MIB1: variants seen among roughly 807,000 people sequenced by gnomAD.
The protein encoded by MIB1 is E3 ubiquitin-protein ligase MIB1.
Under a neutral mutation model 124.5 loss-of-function variants are expected in MIB1, and 278 were observed. The ratio of observed to expected loss-of-function variants is 2.23; its 90% confidence interval spans 2.02 to 2.47. The LOEUF (loss-of-function observed/expected upper bound fraction) is 2.47. Ranked by LOEUF, MIB1 falls within the 30% of genes most tolerant of loss-of-function variation. MIB1 has a pLI of 0.00. For missense variants in MIB1, 957 were observed against 1,254.4 expected, an observed-to-expected ratio of 0.76 and a Z score of 3.58; for synonymous variants, 446 against 429.4, an observed-to-expected ratio of 1.04 and a Z score of -0.48.
chr18:21,799,766 T>C (rs910560552), intron 8 of MIB1, 75 bp from the exon 9 acceptor site: 5 of 1,329,118 alleles, frequency 3.8e-6, no homozygotes, highest in East Asian at 2.3e-5. Context: ...TATAGAAATA[T>C]TGGGTAATAC....
chr18:21,774,921 T>TTTTATTTATTTATTTATTTATTTA (rs200926882), intron 4 of MIB1, among the ~76,000 whole-genome samples: 1 of 138,258 alleles, frequency 7.2e-6, no homozygotes, highest in Non-Finnish European at 1.5e-5. Flanking sequence ...TTTATTTCCA[T>TTTTATTTATTTATTTATTTATTTA]TTTATTTATT....
chr18:21,755,960 T>G (rs1215264355), intron 1 of MIB1, among the ~76,000 whole-genome samples: 1 of 152,156 alleles, frequency 6.6e-6, no homozygotes, highest in Non-Finnish European at 1.5e-5. Flanking sequence ...AAATTATTGT[T>G]TAATTTGTGG....
At chr18:21,809,790 A>G (rs1673104073) in intron 10 of MIB1, among the ~76,000 whole-genome samples, 1 of 152,148 alleles carries the variant, frequency 6.6e-6, no homozygotes, top group South Asian at 2.1e-4. Context: ...ACCCACAGTG[A>G]ACATGATATT....
intron 12 of MIB1, among the ~76,000 whole-genome samples, chr18:21,836,318 GGCTGGAGT>G (rs2042031888): frequency 6.7e-6 from 1 of 149,550 alleles, no homozygotes; most frequent in South Asian, 2.1e-4. Flanking sequence ...CAGTCGCCTG[GGCTGGAGT>G]GCAGTGGCTC....
At chr18:21,848,406 C>T (rs1335677495) in intron 16 of MIB1, among the ~76,000 whole-genome samples, 1 of 151,980 alleles carries the variant, frequency 6.6e-6, no homozygotes, top group Non-Finnish European at 1.5e-5. Context: ...GCCGAGATCA[C>T]ACCACTGTAC....
At chr18:21,806,653 C>G (rs1279546639) in intron 10 of MIB1, among the ~76,000 whole-genome samples, 1 of 149,370 alleles carries the variant, frequency 6.7e-6, no homozygotes, top group Non-Finnish European at 1.5e-5. Flanking sequence ...CGGAGTCTTG[C>G]TCTGTCGCCC....
intron 11 of MIB1, among the ~76,000 whole-genome samples, chr18:21,818,811 T>C (rs2041853515): frequency 6.6e-6 from 1 of 152,132 alleles, no homozygotes; most frequent in African/African-American, 2.4e-5. Flanking sequence ...GGTGGGTGCC[T>C]GTAATCCCAG....
At chr18:21,817,661 C>A in intron 11 of MIB1, 1 of 435,108 alleles carries the variant, frequency 2.3e-6, no homozygotes, top group Non-Finnish European at 4.6e-6. Flanking sequence ...TTTTTCTAGG[C>A]TTTGTCCACA....
Position 21,779,659 on chromosome 18 carries a change from T to C in MIB1, c.882T>C (p.Ile294=), listed in dbSNP as rs1268150077. The C allele has an allele frequency of 1.2e-6, 2 of 1,614,074 alleles. No individual in the cohort carries two copies. Among genetic ancestry groups the C allele is most frequent in the Middle Eastern group, 1.6e-4 (1 of 6,062 alleles). Residue 294 remains isoleucine, a synonymous_variant, in exon 6 of 21, where the codon ATT becomes ATC. Transcript: ENST00000261537. The part of the protein sequence containing the change: ...TVCGIDEDHD[I]VVQYPSGNRW... ...GTGGCATTGATGAAGATCATGACAT[T>C]GTAGTACAGTATCCAAGTGGCAATA...
intron 8 of MIB1, among the ~76,000 whole-genome samples, chr18:21,798,985 T>A (rs1402566789): frequency 6.6e-6 from 1 of 152,144 alleles, no homozygotes; most frequent in Non-Finnish European, 1.5e-5. Flanking sequence ...CTGCTGTAAT[T>A]TGCTAGTATG....
At chr18:21,790,476 T>C (rs1230482279) in intron 6 of MIB1, among the ~76,000 whole-genome samples, 1 of 152,164 alleles carries the variant, frequency 6.6e-6, no homozygotes, top group Non-Finnish European at 1.5e-5. Flanking sequence ...CTATTTAAGA[T>C]AGGTCTGTAT....
chr18:21,741,837 G>A lies in MIB1; in HGVS notation c.229+25G>A. On this transcript the variant is annotated intron_variant, in intron 1 of 20. Coordinates refer to ENST00000261537, the MANE Select transcript of MIB1 (RefSeq NM_020774.4). The surrounding 1 kb of genome is among the most constrained non-coding windows in gnomAD (Gnocchi z 5.4). ...GGTAAGCCGCGGCCACCTGGCCAGGGCTTGCGCGCGCGGGGGGAAGGGGCG... is the reference window on the plus strand; with the variant it reads ...GGTAAGCCGCGGCCACCTGGCCAGGACTTGCGCGCGCGGGGGGAAGGGGCG... The A allele has an allele frequency of 6.5e-7, 1 of 1,541,064 alleles. No homozygotes were observed. Among genetic ancestry groups the A allele is most frequent in the South Asian group, 1.2e-5 (1 of 83,474 alleles).
At chr18:21,813,531 C>T (rs894543246) in intron 10 of MIB1, among the ~76,000 whole-genome samples, 1 of 151,992 alleles carries the variant, frequency 6.6e-6, no homozygotes, top group Non-Finnish European at 1.5e-5. Context: ...TGATACGTAA[C>T]AAAAACTGAT....
At position 21,838,499 on chromosome 18, in the gene MIB1, T is replaced by G; in HGVS notation, c.1962+2T>G. 1 of 1,584,504 alleles carries G rather than the reference T, an allele frequency of 6.3e-7. No individual in the cohort carries two copies. Among genetic ancestry groups the G allele is most frequent in the Non-Finnish European group, 8.5e-7 (1 of 1,169,676 alleles). ...GTGGCTGAACTGTTGGTACATCAGG[T>G]AAGAAAAGAGTTAAATAATTCCCTC... On this transcript the variant is annotated splice_donor_variant, in intron 13 of 20. Coordinates refer to ENST00000261537, the MANE Select transcript of MIB1 (RefSeq NM_020774.4). LOFTEE classifies it high-confidence loss of function.
rs573329996 is a variant in MIB1 at position 21,851,458 on chromosome 18, C to T, written c.2587-1682C>T. Among the ~76,000 whole-genome samples, 202 of 151,990 alleles carry T rather than the reference C, an allele frequency of 1.3e-3. 2 individuals carry two copies. Among genetic ancestry groups the T allele is most frequent in the Non-Finnish European group, 9.7e-4 (66 of 67,974 alleles). ...AATCTATAGAAAAGTAGAAAAACTA[C>T]GGATATACCCACCCAACAGATTTGC... is the stretch of plus-strand genomic sequence containing the variant. On this transcript the variant is annotated intron_variant, in intron 17 of 20. Transcript: ENST00000261537.
chr18:21,812,715 G>A (rs1473098706), intron 10 of MIB1, among the ~76,000 whole-genome samples: 1 of 152,086 alleles, frequency 6.6e-6, no homozygotes, highest in Non-Finnish European at 1.5e-5. Flanking sequence ...ATAGGGCAGG[G>A]GGATAGAAAG....
chr18:21,843,978 C>A, intron 14 of MIB1, 114 bp from the exon 15 acceptor site: 2 of 964,400 alleles, frequency 2.1e-6, no homozygotes, highest in Non-Finnish European at 3.1e-6. Flanking sequence ...AAATGATTAG[C>A]TTTAGTGGTA....
Position 21,770,661 on chromosome 18 carries a change from C to G in MIB1, c.531+1909C>G, listed in dbSNP as rs143499617. Among the ~76,000 whole-genome samples the G allele has an allele frequency of 3.0e-4, 45 of 152,118 alleles. No homozygotes were observed. In the East Asian group the frequency reaches 8.5e-3, roughly 29 times the overall value. Reference sequence around the variant, plus strand: ...TTTAAGTCTCACTATACGTGTTAGTCTTTTAAAGCTGTTTGTTTTACAAAT... The same window carrying G: ...TTTAAGTCTCACTATACGTGTTAGTGTTTTAAAGCTGTTTGTTTTACAAAT... On this transcript the variant is annotated intron_variant, in intron 3 of 20. Transcript: ENST00000261537.
chr18:21,849,734 C>CT (rs1168705337), intron 17 of MIB1, among the ~76,000 whole-genome samples: 1 of 152,070 alleles, frequency 6.6e-6, no homozygotes, highest in Non-Finnish European at 1.5e-5. Flanking sequence ...TCAAAGCTCC[C>CT]TATAACCTAA....
Sources: gnomAD v4.1 joint callset for allele counts (sites outside exome capture counted in the v4.1 genomes callset) on GRCh38, gnomAD v4.1.1 for gene constraint, Gnocchi (gnomAD v3.1) non-coding constraint, MANE v1.5 for transcripts, NCBI Gene and HGNC (gene_info 2026-07-23, HGNC 2026-07-21) for gene names.